Variants in C10orf143 observed in about 807,000 individuals in gnomAD.
C10orf143 encodes the protein chromosome 10 open reading frame 143.
chr10:130,106,820 G>T, intron 1 of C10orf143: 1 of 1,191,234 alleles, frequency 8.4e-7, no homozygotes, highest in East Asian at 2.3e-5. Flanking sequence ...AGTTCTAAAT[G>T]ATAAAGAAAA....
At chr10:130,041,295 T>A (rs936524180) in intron 3 of C10orf143, among the ~76,000 whole-genome samples, 2 of 152,106 alleles carry the variant, frequency 1.3e-5, no homozygotes, top group South Asian at 4.1e-4. Flanking sequence ...CTCTACTGAG[T>A]CCCCTCCGAA....
chr10:130,082,278 C>T (rs1203897062), intron 1 of C10orf143, among the ~76,000 whole-genome samples: 1 of 151,858 alleles, frequency 6.6e-6, no homozygotes, highest in Non-Finnish European at 1.5e-5. Context: ...TCCCAAAGTG[C>T]TGGGATTATA....
intron 3 of C10orf143, among the ~76,000 whole-genome samples, chr10:130,058,116 C>T (rs913053057): frequency 2.0e-5 from 3 of 152,238 alleles, no homozygotes; most frequent in African/African-American, 7.2e-5. Flanking sequence ...CAGTCCTGAG[C>T]ATGGTCTGTG....
chr10:130,052,452 A>G (rs1860747288), intron 3 of C10orf143, among the ~76,000 whole-genome samples: 1 of 152,124 alleles, frequency 6.6e-6, no homozygotes, highest in Non-Finnish European at 1.5e-5. Context: ...ACCCAGAAGC[A>G]TCCCCGGGAT....
chr10:130,086,659 A>G (rs996201253), intron 1 of C10orf143, among the ~76,000 whole-genome samples: 2 of 152,220 alleles, frequency 1.3e-5, no homozygotes, highest in Non-Finnish European at 2.9e-5. Context: ...GGAAATATTA[A>G]GTATTCCCCA....
chr10:130,102,046 T>C (rs939264429), intron 1 of C10orf143, among the ~76,000 whole-genome samples: 2 of 151,922 alleles, frequency 1.3e-5, no homozygotes, highest in African/African-American at 4.8e-5. Context: ...GCCAGGCAGA[T>C]TGCTTGAGCC....
intron 3 of C10orf143, among the ~76,000 whole-genome samples, chr10:130,074,380 T>C (rs1042117809): frequency 2.0e-5 from 3 of 152,236 alleles, no homozygotes; most frequent in East Asian, 1.9e-4. Flanking sequence ...GAAGTTCCCG[T>C]TGATCCCTCC....
chr10:130,037,649 C>T (rs1478105668), intron 3 of C10orf143, among the ~76,000 whole-genome samples: 1 of 152,248 alleles, frequency 6.6e-6, no homozygotes, highest in East Asian at 1.9e-4. Context: ...CAACAGGAGG[C>T]TGTGCACTCA....
intron 3 of C10orf143, among the ~76,000 whole-genome samples, chr10:130,043,233 A>G (rs1347827832): frequency 6.6e-6 from 1 of 152,220 alleles, no homozygotes; most frequent in Non-Finnish European, 1.5e-5. Context: ...GTGTTTTCCC[A>G]AGGAGTTATA....
intron 1 of C10orf143, chr10:130,106,098 A>G (rs1590038256): frequency 1.6e-6 from 1 of 626,008 alleles, no homozygotes; most frequent in East Asian, 4.0e-5. Flanking sequence ...GTCCTGGGGG[A>G]GCCACGCAGG....
At chr10:130,061,458 T>A (rs904495091), downstream of C10orf143, among the ~76,000 whole-genome samples, 1 of 152,212 alleles carries the variant, frequency 6.6e-6, no homozygotes, top group African/African-American at 2.4e-5. Flanking sequence ...CTAAAATGAG[T>A]TTCGTAAGTT....
intron 3 of C10orf143, among the ~76,000 whole-genome samples, chr10:130,076,321 C>T (rs1044384375): frequency 2.6e-5 from 4 of 152,204 alleles, no homozygotes; most frequent in African/African-American, 9.6e-5. Flanking sequence ...TTCTCCCCCA[C>T]ATTCCTGTGT....
intron 3 of C10orf143, 142 bp from the exon 4 acceptor site, chr10:130,064,525 T>C (rs1272959709): frequency 2.6e-6 from 1 of 381,170 alleles, no homozygotes; most frequent in African/African-American, 2.1e-5. Flanking sequence ...CTGAGGTATC[T>C]GTTTATAGAT....
chr10:130,107,407 T>G, intron 1 of C10orf143: 230 of 1,188,874 alleles, frequency 1.9e-4, no homozygotes, highest in Non-Finnish European at 2.7e-4. Flanking sequence ...TTATTTCCCA[T>G]GAGAAAAAGG....
chr10:130,097,497 T>C (rs74987608), intron 1 of C10orf143, among the ~76,000 whole-genome samples: 6,941 of 152,296 alleles, frequency 0.046, 545 homozygotes, highest in African/African-American at 0.16. Context: ...GTGGTGGGCA[T>C]GTAAAATGGT....
intron 1 of C10orf143, among the ~76,000 whole-genome samples, chr10:130,097,543 G>A (rs1861481670): frequency 6.6e-6 from 1 of 152,150 alleles, no homozygotes; most frequent in East Asian, 1.9e-4. Context: ...CAGTTTCTTA[G>A]AAAGTTAAAA....
intron 3 of C10orf143, among the ~76,000 whole-genome samples, chr10:130,068,895 A>T (rs566404829): frequency 6.6e-6 from 1 of 152,258 alleles, no homozygotes; most frequent in East Asian, 1.9e-4. Context: ...AGCTTCGAAG[A>T]CACCTGTGCA....
intron 4 of C10orf143, among the ~76,000 whole-genome samples, chr10:130,035,201 T>C (rs4751159): frequency 1.3e-5 from 2 of 151,990 alleles, no homozygotes; most frequent in Non-Finnish European, 2.9e-5. Flanking sequence ...TATCAGCAGA[T>C]ATGGTTTCCT....
intron 1 of C10orf143, among the ~76,000 whole-genome samples, chr10:130,101,859 AAAAACC>A (rs548724575): frequency 0.45 from 21,133 of 46,808 alleles, 6,356 homozygotes; most frequent in East Asian, 0.57. Context: ...CAAAAAAAAA[AAAAACC>A]AAAAAAAAAA....
Sources: allele counts gnomAD v4.1 joint callset (sites outside exome capture counted in the v4.1 genomes callset), GRCh38; gene constraint gnomAD v4.1.1; transcripts MANE v1.5; gene names NCBI Gene and HGNC (gene_info 2026-07-23, HGNC 2026-07-21).